Variants in TRIP10 observed in about 807,000 individuals in gnomAD.
TRIP10 encodes cdc42-interacting protein 4.
TRIP10 carries 54 observed loss-of-function variants against 80.9 expected under a neutral mutation model. That is an observed-to-expected ratio of 0.67 (90% confidence interval 0.54 to 0.84). The LOEUF is 0.84. Ranked by LOEUF, TRIP10 falls within the 40% of genes least tolerant of loss-of-function variation. The probability of loss-of-function intolerance (pLI) is 0.00; values close to 1 mark genes in which losing one functional copy is unlikely to be tolerated. For synonymous variants in TRIP10, 321 were observed against 307.2 expected (o/e 1.04, Z -0.47); for missense variants, 773 against 815.3 (o/e 0.95, Z 0.63).
rs752994529 is a variant in TRIP10, at chr19:6,743,589, T to C, written c.504T>C (p.Asp168=). ...LDQDINATKA[D]VEKAKQQAHL... is the part of the protein sequence containing the mutation. The stretch of plus-strand genomic sequence containing the variant: ...AGGATATCAACGCCACCAAGGCTGA[T>C]GTGGAGAAGGTGTGTGTGGCGGGGG... Residue 168 remains aspartate, a synonymous_variant, in exon 6 of 15, where the codon GAT becomes GAC. Transcript: ENST00000313244. 8.6e-6 allele frequency: 12 copies of C among 1,387,772 alleles called. No individual in the cohort carries two copies. The East Asian group carries it at 3.4e-4, about 40-fold the overall frequency. 86.0% of individuals were successfully genotyped at this position (1,387,772 alleles called of 1,614,324 possible).
In TRIP10 at chr19:6,743,693, C is replaced by T; in HGVS notation, c.514-15C>T. On this transcript the variant is annotated splice_polypyrimidine_tract_variant and intron_variant, in intron 6 of 14. Transcript: ENST00000313244. ...ATCGGAACCTGGCAGTACCTTCCAC[C>T]TCTGCATTCTTCAGGCCAAGCAGCA... 1 of 1,613,656 alleles carries T rather than the reference C, an allele frequency of 6.2e-7. No individual in the cohort carries two copies. The highest frequency in any genetic ancestry group is 8.5e-7 in the Non-Finnish European group (1 of 1,179,774).
rs895452232 is a variant in TRIP10 at position 6,746,047 on chromosome 19, T to TC, written c.1009dup (p.Leu337ProfsTer11). On this transcript the variant is annotated frameshift_variant, in exon 10 of 15. Coordinates refer to ENST00000313244, the MANE Select transcript of TRIP10 (RefSeq NM_001288962.2). LOFTEE classifies it high-confidence loss of function. This position sits in a 1 kb window ranked among gnomAD's most constrained non-coding sequence, Gnocchi z 6.2. ...CCGGTAGCCTCGCCCCCCACCCCTC[T>TC]CCCCCCTGGGGGGCCCCGTACCCTC... 2.4e-5 allele frequency: 10 copies of TC among 413,880 alleles called. No homozygotes were observed. Among genetic ancestry groups the TC allele is most frequent in the African/African-American group, 1.6e-4 (2 of 12,700 alleles). The allele number at this position is 413,880 out of a possible 1,614,324, so 25.6% of individuals were successfully genotyped here. A position where few individuals can be genotyped will look rare whatever the true frequency, so the allele number is the denominator to read the frequency against.
intron 14 of TRIP10, 38 bp from the exon 15 acceptor site, chr19:6,751,025 C>T: frequency 1.3e-6 from 2 of 1,489,348 alleles, no homozygotes; most frequent in Non-Finnish European, 1.8e-6. Context: ...TAAATTTTGC[C>T]TAAAGCAGAT....
rs906935410 is a variant in TRIP10 at position 6,745,166 on chromosome 19, C to A, written c.984+172C>A. ...GAAGGCGGCCGATTGGCCTGGGAGT[C>A]CCCCGAGGCGAAGGCGGGGGCAGGG... On this transcript the variant is annotated intron_variant, in intron 9 of 14. Transcript: ENST00000313244. This position sits in a 1 kb window ranked among gnomAD's most constrained non-coding sequence, Gnocchi z 7.2. 3 of 920,544 alleles carry A rather than the reference C, an allele frequency of 3.3e-6. No individual in the cohort carries two copies. The highest frequency in any genetic ancestry group is 4.7e-6 in the Non-Finnish European group (3 of 638,656). The allele number at this position is 920,544 out of a possible 1,614,324, so 57.0% of individuals were successfully genotyped here. A position where few individuals can be genotyped will look rare whatever the true frequency, so the allele number is the denominator to read the frequency against.
chr19:6,743,129 G>T lies in TRIP10; in HGVS notation c.345+15G>T, dbSNP rs762866329. On this transcript the variant is annotated intron_variant, in intron 4 of 14. Transcript: ENST00000313244. ...AGAGGAAGATGGTGAGGAGCCCCCC[G>T]ATTCAGGTTTTACAAAGGGCTTCTG... 8 of 1,614,008 alleles carry T rather than the reference G, an allele frequency of 5.0e-6. No homozygotes were observed. Among genetic ancestry groups the T allele is most frequent in the Non-Finnish European group, 6.8e-6 (8 of 1,180,008 alleles).
At position 6,751,335 on chromosome 19, in the gene TRIP10, C is replaced by G; in HGVS notation, c.*124C>G. The G allele has an allele frequency of 6.6e-7, 1 of 1,522,076 alleles. No homozygotes were observed. Among genetic ancestry groups the G allele is most frequent in the Non-Finnish European group, 8.9e-7 (1 of 1,129,482 alleles). The allele number at this position is 1,522,076 out of a possible 1,614,324, so 94.3% of individuals were successfully genotyped here. ...GGCTGAGACCTGTGTAACCTGCTGCCCCCTCCACCCCCAACCCAGTCCTAC... is the reference window on the plus strand; with the variant it reads ...GGCTGAGACCTGTGTAACCTGCTGCGCCCTCCACCCCCAACCCAGTCCTAC... On this transcript the variant is annotated 3_prime_UTR_variant, in exon 15 of 15. Transcript: ENST00000313244.
At position 6,743,802 on chromosome 19, in the gene TRIP10, A is replaced by G; in HGVS notation, c.608A>G (p.His203Arg). 3.7e-6 allele frequency: 6 copies of G among 1,614,006 alleles called. No homozygotes were observed. Among genetic ancestry groups the G allele is most frequent in the South Asian group, 1.1e-5 (1 of 91,066 alleles). The change falls in exon 7 of 15, where the codon CAC becomes CGC. Residue 203 changes from histidine to arginine, a missense_variant. By Grantham distance (29) the His-to-Arg change is conservative (BLOSUM62 0). Coordinates refer to ENST00000313244, the MANE Select transcript of TRIP10 (RefSeq NM_001288962.2). ...CAGCGCTTCAACCGAGACCAAGCCC[A>G]CTTCTATTTTTCACAGATGCCCCAG... ...QLQRFNRDQA[H>R]FYFSQMPQIF... is the part of the protein sequence containing the mutation.
chr19:6,743,439 A>G (rs1968985875), intron 5 of TRIP10, 55 bp from the exon 6 acceptor site: 1 of 1,593,652 alleles, frequency 6.3e-7, no homozygotes, highest in Non-Finnish European at 8.6e-7. Flanking sequence ...TTGGTTTCCC[A>G]CCCTGCTGTC....
Position 6,742,992 on chromosome 19 carries a change from C to G in TRIP10, c.223C>G (p.Gln75Glu). ...ATTCAGCCAGCAACAGTCCTTCGTACAGATTCTCCAGGAGGTGAATGACTT... is the reference window on the plus strand; with the variant it reads ...ATTCAGCCAGCAACAGTCCTTCGTAGAGATTCTCCAGGAGGTGAATGACTT... ...SKFSQQQSFV[Q>E]ILQEVNDFAG... Residue 75 changes from glutamine to glutamate, a missense_variant, in exon 4 of 15, where the codon CAG becomes GAG. By Grantham distance (29) the Gln-to-Glu change is conservative. Coordinates refer to ENST00000313244, the MANE Select transcript of TRIP10 (RefSeq NM_001288962.2). The G allele has an allele frequency of 6.2e-7, 1 of 1,614,176 alleles. No individual in the cohort carries two copies. Among genetic ancestry groups the G allele is most frequent in the Non-Finnish European group, 8.5e-7 (1 of 1,180,026 alleles).
At position 6,746,685 on chromosome 19, in the gene TRIP10, G is replaced by T; in HGVS notation, c.1262+124G>T. On this transcript the variant is annotated intron_variant, in intron 11 of 14. Coordinates refer to ENST00000313244, the MANE Select transcript of TRIP10 (RefSeq NM_001288962.2). The surrounding 1 kb of genome is among the most constrained non-coding windows in gnomAD (Gnocchi z 6.2). ...TATTTTATTTTGTGACAGGGTCTTA[G>T]TCTGTCGTCCAGGCTGGAGTGCAGT... 1.7e-6 allele frequency: 1 copy of T among 597,570 alleles called. No individual in the cohort carries two copies. Among genetic ancestry groups the T allele is most frequent in the Non-Finnish European group, 2.4e-6 (1 of 424,900 alleles). 37.0% of individuals were successfully genotyped at this position (597,570 alleles called of 1,614,324 possible).
rs1465430004 is a variant in TRIP10, at chr19:6,744,351, C to T, written c.643-203C>T. On this transcript the variant is annotated intron_variant, in intron 7 of 14. Coordinates refer to ENST00000313244, the MANE Select transcript of TRIP10 (RefSeq NM_001288962.2). This position sits in a 1 kb window ranked among gnomAD's most constrained non-coding sequence, Gnocchi z 4.9. The stretch of plus-strand genomic sequence containing the variant: ...AGCCTTTGCTGACCCCCTAGGCACG[C>T]GTCCCCCTCTGAGATCCCCCTGGCC... Among the ~76,000 whole-genome samples, 1 of 152,194 alleles carries T rather than the reference C, an allele frequency of 6.6e-6. No homozygotes were observed. Among genetic ancestry groups the T allele is most frequent in the East Asian group, 1.9e-4 (1 of 5,200 alleles).
chr19:6,739,728 C>G lies in TRIP10; in HGVS notation c.-34C>G. The G allele has an allele frequency of 6.0e-6, 8 of 1,341,710 alleles. No individual in the cohort carries two copies. Among genetic ancestry groups the G allele is most frequent in the African/African-American group, 1.5e-5 (1 of 66,120 alleles). The allele number at this position is 1,341,710 out of a possible 1,614,324, so 83.1% of individuals were successfully genotyped here. ...GGCGGCGGGCGGCGGGGACCGGGTG[C>G]GGTGGTGGCTGCGGCGGCGGCGGCG... is the stretch of plus-strand genomic sequence containing the variant. On this transcript the variant is annotated 5_prime_UTR_variant, in exon 1 of 15. Transcript: ENST00000313244.
In TRIP10 at chr19:6,746,032, C is replaced by A. The variant is rs1398751371; in HGVS notation, c.988C>A (p.Arg330Ser). Reference protein sequence around the residue: ...RWPFGKKNKPRPPPLSPLGGP... With the variant: ...RWPFGKKNKPSPPPLSPLGGP... ...CCTCCCCGGCCCCCGCCGGTAGCCT[C>A]GCCCCCCACCCCTCTCCCCCCTGGG... Residue 330 changes from arginine (R) to serine (S), a missense_variant, in exon 10 of 15, where the codon CGC (arginine) becomes AGC (serine). Arg to Ser is a moderately radical substitution (Grantham distance 110). Transcript: ENST00000313244. This position sits in a 1 kb window ranked among gnomAD's most constrained non-coding sequence, Gnocchi z 6.2. 8.3e-6 allele frequency: 8 copies of A among 965,604 alleles called. No homozygotes were observed. The highest frequency in any genetic ancestry group is 1.8e-5 in the African/African-American group (1 of 56,712). The allele number at this position is 965,604 out of a possible 1,614,324, so 59.8% of individuals were successfully genotyped here.
intron 1 of TRIP10, among the ~76,000 whole-genome samples, chr19:6,740,171 C>T (rs1968867111): frequency 6.6e-6 from 1 of 152,206 alleles, no homozygotes; most frequent in African/African-American, 2.4e-5. Context: ...AGGGGACCCT[C>T]TGGTCACCCT....
At chr19:6,750,462 C>T in intron 13 of TRIP10, 31 bp downstream of exon 13, 1 of 1,613,882 alleles carries the variant, frequency 6.2e-7, no homozygotes, top group African/African-American at 1.3e-5. Context: ...GGGTCTGTTC[C>T]CAGGGTCCCA....
intron 5 of TRIP10, 113 bp from the exon 6 acceptor site, chr19:6,743,381 T>C: frequency 6.6e-7 from 1 of 1,512,114 alleles, no homozygotes; most frequent in African/African-American, 1.4e-5. Flanking sequence ...CTTCCAGTAC[T>C]CCCTTGACCC....
chr19:6,743,312 G>C (rs373328259), intron 5 of TRIP10, 56 bp downstream of exon 5: 2 of 1,601,872 alleles, frequency 1.2e-6, no homozygotes, highest in Non-Finnish European at 1.7e-6. Flanking sequence ...GCAGGGTTGC[G>C]GATCCGGAGT....
In TRIP10 at chr19:6,746,995, G is replaced by A. The variant is rs1969155731; in HGVS notation, c.1262+434G>A. Among the ~76,000 whole-genome samples, 1 of 152,102 alleles carries A rather than the reference G, an allele frequency of 6.6e-6. No individual in the cohort carries two copies. Among genetic ancestry groups the A allele is most frequent in the African/African-American group, 2.4e-5 (1 of 41,402 alleles). The stretch of plus-strand genomic sequence containing the variant: ...CAAAGATCTCCCCAATAATCCCAAG[G>A]CCCCGACGGTTTTACAGGTGATTCC... On this transcript the variant is annotated intron_variant, in intron 11 of 14. Transcript: ENST00000313244. This position sits in a 1 kb window ranked among gnomAD's most constrained non-coding sequence, Gnocchi z 6.2.
rs796807990 is a variant in TRIP10 at position 6,746,293 on chromosome 19, C to T, written c.1152+97C>T. ...CTCGCTTCCTGCCGCTGGCTGGGCC[C>T]CTCTTCCCTGGTTGCCCAACCCAGA... On this transcript the variant is annotated intron_variant, in intron 10 of 14. Coordinates refer to ENST00000313244, the MANE Select transcript of TRIP10 (RefSeq NM_001288962.2). The surrounding 1 kb of genome is among the most constrained non-coding windows in gnomAD (Gnocchi z 6.2). 2.0e-6 allele frequency: 3 copies of T among 1,489,038 alleles called. No homozygotes were observed. The African/African-American group carries it at 4.2e-5, about 21-fold the overall frequency. The allele number at this position is 1,489,038 out of a possible 1,614,324, so 92.2% of individuals were successfully genotyped here. A position where few individuals can be genotyped will look rare whatever the true frequency, so the allele number is the denominator to read the frequency against.
Sources: gnomAD v4.1 joint callset for allele counts (sites outside exome capture counted in the v4.1 genomes callset) on GRCh38, gnomAD v4.1.1 for gene constraint, Gnocchi (gnomAD v3.1) non-coding constraint, MANE v1.5 for transcripts, NCBI Gene and HGNC (gene_info 2026-07-23, HGNC 2026-07-21) for gene names.